The following FGD5 variants were observed in gnomAD, a reference collection of about 807,000 sequenced individuals.
The protein encoded by FGD5 is FYVE, RhoGEF and PH domain-containing protein 5.
A neutral mutation model predicts 133.4 loss-of-function variants in FGD5; 28 were observed. The ratio of observed to expected loss-of-function variants is 0.21; its 90% CI spans 0.16 to 0.29. The LOEUF (loss-of-function observed/expected upper bound fraction) is 0.29, where lower values mean the gene tolerates loss of function less well. FGD5 is among the 10% of genes least tolerant of loss of function. The pLI is 1.00. For synonymous variants in FGD5, 810 were observed against 776.5 expected (o/e 1.04, Z -0.72); for missense variants, 1,858 against 1,895.2 (o/e 0.98, Z 0.36).
chr3:14,864,308 G>C, intron 2 of FGD5, 48 bp downstream of exon 2: 2 of 1,612,374 alleles, frequency 1.2e-6, no homozygotes, highest in Non-Finnish European at 1.7e-6. Context: ...CGTGAGGGTG[G>C]AGAGATGGCT....
chr3:14,824,758 A>G (rs1462535509), intron 1 of FGD5, among the ~76,000 whole-genome samples: 1 of 152,236 alleles, frequency 6.6e-6, no homozygotes, highest in Non-Finnish European at 1.5e-5. Context: ...GAAAAATGTA[A>G]TGGAAACTTT....
chr3:14,921,786 T>C (rs1397452399), intron 13 of FGD5, 132 bp from the exon 14 acceptor site: 2 of 776,048 alleles, frequency 2.6e-6, no homozygotes, highest in Non-Finnish European at 4.4e-6. Flanking sequence ...GATCTCTTCT[T>C]TGCTGGTGGT....
chr3:14,911,253 G>C (rs775425305), intron 11 of FGD5, among the ~76,000 whole-genome samples: 13 of 152,184 alleles, frequency 8.5e-5, no homozygotes, highest in Non-Finnish European at 1.9e-4. Flanking sequence ...GGCCTCCCAG[G>C]GGGATGGTGG....
chr3:14,866,759 G>A (rs4685221), intron 2 of FGD5, among the ~76,000 whole-genome samples: 103,216 of 152,154 alleles, frequency 0.68, 35,225 homozygotes, highest in African/African-American at 0.75. Context: ...CCCAAGTTCA[G>A]CCGGGACTCA....
intron 2 of FGD5, among the ~76,000 whole-genome samples, chr3:14,873,732 T>TC (rs373897644): frequency 0.02 from 3,005 of 149,292 alleles, 86 homozygotes; most frequent in African/African-American, 0.069. Flanking sequence ...ACTTTTTTTT[T>TC]TCTTTTTTTT....
At position 14,933,326 on chromosome 3, in the gene FGD5, C is replaced by A; in HGVS notation, c.*159C>A. The A allele has an allele frequency of 1.4e-6, 1 of 721,584 alleles. No homozygotes were observed. The highest frequency in any genetic ancestry group is 1.6e-5 in the South Asian group (1 of 62,026). 44.7% of individuals were successfully genotyped at this position (721,584 alleles called of 1,614,324 possible). Reference sequence around the variant, plus strand: ...CCGCCCCACCACTCCCCTGCCCTTGCCAACATCTTCATGAATGGAATCCTT... The same window carrying A: ...CCGCCCCACCACTCCCCTGCCCTTGACAACATCTTCATGAATGGAATCCTT... On this transcript the variant is annotated 3_prime_UTR_variant, in exon 20 of 20. Transcript: ENST00000285046.
chr3:14,836,423 C>T (rs1048238950), intron 1 of FGD5, among the ~76,000 whole-genome samples: 3 of 152,170 alleles, frequency 2.0e-5, no homozygotes, highest in African/African-American at 7.2e-5. Flanking sequence ...AGCTGCTCAG[C>T]CTCTGGGGTG....
intron 2 of FGD5, among the ~76,000 whole-genome samples, chr3:14,870,998 C>G (rs1056255741): frequency 6.6e-6 from 1 of 152,242 alleles, no homozygotes; most frequent in African/African-American, 2.4e-5. Context: ...CGAGTTCTGT[C>G]TGCTCCTTAA....
chr3:14,918,604 C>T, intron 12 of FGD5, 150 bp from the exon 13 acceptor site: 1 of 737,136 alleles, frequency 1.4e-6, no homozygotes, highest in Non-Finnish European at 2.3e-6. Flanking sequence ...GCACCTTCCA[C>T]AGCACCTACC....
At chr3:14,920,459 C>A (rs1377617192) in intron 13 of FGD5, 1 of 151,808 alleles carries the variant, frequency 6.6e-6, no homozygotes, top group African/African-American at 2.4e-5. Flanking sequence ...GAGTTTGGGA[C>A]CAGCCTGGGC....
intron 1 of FGD5, among the ~76,000 whole-genome samples, chr3:14,851,862 A>G (rs1004208138): frequency 2.0e-5 from 3 of 152,188 alleles, no homozygotes; most frequent in Admixed American, 6.5e-5. Flanking sequence ...TGGAATCAGA[A>G]AAAAACAAAA....
At chr3:14,890,081 C>T (rs781184172) in intron 4 of FGD5, among the ~76,000 whole-genome samples, 26 of 152,106 alleles carry the variant, frequency 1.7e-4, no homozygotes, top group Non-Finnish European at 3.2e-4. Context: ...ATATTCTCAG[C>T]GTTACACGAT....
At chr3:14,896,936 C>G (rs2038150712) in intron 4 of FGD5, 1 of 152,298 alleles carries the variant, frequency 6.6e-6, no homozygotes, top group East Asian at 1.9e-4. Flanking sequence ...GCTTTCTCCT[C>G]TGCTCACTTT....
chr3:14,848,668 G>A (rs1006751204), intron 1 of FGD5, among the ~76,000 whole-genome samples: 1 of 152,148 alleles, frequency 6.6e-6, no homozygotes, highest in Non-Finnish European at 1.5e-5. Flanking sequence ...TTAAATTTAT[G>A]CAAATAAAAA....
In FGD5 at chr3:14,819,891, G is replaced by T. The variant is rs1168800391; in HGVS notation, c.820G>T (p.Val274Phe). Residue 274 changes from valine (V) to phenylalanine (F), a missense_variant, in exon 1 of 20, where the codon GTT (valine) becomes TTT (phenylalanine). Physicochemically the swap from Val to Phe is conservative, Grantham distance 50 (BLOSUM62 -1). Coordinates refer to ENST00000285046, the MANE Select transcript of FGD5 (RefSeq NM_152536.4). The surrounding 1 kb of genome is among the most constrained non-coding windows in gnomAD (Gnocchi z 4.1). ...EAETATDCPE[V>F]LEEGCEEATG... ...AGAGACAGCCACAGACTGCCCTGAA[G>T]TTCTTGAGGAGGGATGTGAAGAGGC... 5.0e-6 allele frequency: 8 copies of T among 1,613,738 alleles called. No individual in the cohort carries two copies. Among genetic ancestry groups the T allele is most frequent in the Non-Finnish European group, 6.8e-6 (8 of 1,179,870 alleles).
upstream of FGD5, among the ~76,000 whole-genome samples, chr3:14,816,578 G>A (rs1456169572): frequency 6.6e-6 from 1 of 152,170 alleles, no homozygotes; most frequent in Non-Finnish European, 1.5e-5. Context: ...CTGATAAGTA[G>A]CAAAGTCAGG....
intron 2 of FGD5, among the ~76,000 whole-genome samples, chr3:14,870,952 C>G (rs1190868380): frequency 6.6e-6 from 1 of 152,146 alleles, no homozygotes; most frequent in African/African-American, 2.4e-5. Context: ...CAGTAGACAC[C>G]CAGTTCTTCG....
chr3:14,893,754 T>TTC (rs1429403547), intron 4 of FGD5, among the ~76,000 whole-genome samples: 7 of 133,256 alleles, frequency 5.3e-5, no homozygotes, highest in East Asian at 2.1e-4. Context: ...TCTTTTTTCT[T>TTC]TTTTTTTTTT....
intron 1 of FGD5, among the ~76,000 whole-genome samples, chr3:14,851,388 G>A (rs952826038): frequency 1.3e-5 from 2 of 152,198 alleles, no homozygotes; most frequent in Admixed American, 1.3e-4. Flanking sequence ...GGCAGAACTG[G>A]GTCTTGGCAT....
Sources: allele counts gnomAD v4.1 joint callset (sites outside exome capture counted in the v4.1 genomes callset), GRCh38; gene constraint gnomAD v4.1.1; non-coding constraint Gnocchi (gnomAD v3.1); transcripts MANE v1.5; gene names NCBI Gene and HGNC (gene_info 2026-07-23, HGNC 2026-07-21).